The following GRB14 variants were observed in gnomAD, a reference collection of about 807,000 sequenced individuals.
The protein encoded by GRB14 is growth factor receptor-bound protein 14.
Under a neutral mutation model 69.1 loss-of-function variants are expected in GRB14, and 38 were observed. The observed-to-expected ratio is 0.55, with a 90% CI of 0.42 to 0.72. The LOEUF is 0.72. Among genes scored for constraint, GRB14 ranks in the 30% least tolerant of loss-of-function variants. The probability of loss-of-function intolerance (pLI) is 0.00; values close to 1 mark genes in which losing one functional copy is unlikely to be tolerated. For missense variants in GRB14, 666 were observed against 666.1 expected, an observed-to-expected ratio of 1.00 and a Z score of 0.00; for synonymous variants, 247 against 241.3, an observed-to-expected ratio of 1.02 and a Z score of -0.22.
At chr2:164,495,541 C>T (rs1381028339) in intron 12 of GRB14, among the ~76,000 whole-genome samples, 1 of 152,158 alleles carries the variant, frequency 6.6e-6, no homozygotes. Flanking sequence ...TTCTTATTCA[C>T]TGGCAGTGCA....
chr2:164,600,120 A>G lies in GRB14; in HGVS notation c.324+19567T>C, dbSNP rs1052682868. 1.3e-4 allele frequency among the ~76,000 whole-genome samples: 20 copies of G among 152,300 alleles called. 1 individual carries two copies. Among genetic ancestry groups the G allele is most frequent in the Admixed American group, 1.2e-3 (19 of 15,288 alleles). On this transcript the variant is annotated intron_variant, in intron 2 of 13. Coordinates refer to ENST00000263915, the MANE Select transcript of GRB14 (RefSeq NM_004490.3). The stretch of plus-strand genomic sequence containing the variant: ...ACAGGTTCCTTGTGTCATTTAAAGC[A>G]TGCACCCTCTGCTGTATGGATTTGG...
chr2:164,495,351 T>A (rs150592929), intron 12 of GRB14, among the ~76,000 whole-genome samples: 133 of 152,192 alleles, frequency 8.7e-4, no homozygotes, highest in African/African-American at 3.1e-3. Flanking sequence ...TATATTGTTT[T>A]AAAAAAATCT....
chr2:164,559,769 G>A (rs942005518), intron 2 of GRB14, among the ~76,000 whole-genome samples: 30 of 152,068 alleles, frequency 2.0e-4, no homozygotes, highest in African/African-American at 6.3e-4. Flanking sequence ...GTATCTTTTC[G>A]TATAATGACT....
intron 2 of GRB14, among the ~76,000 whole-genome samples, chr2:164,552,532 C>G (rs1016690262): frequency 6.6e-6 from 1 of 152,104 alleles, no homozygotes; most frequent in Non-Finnish European, 1.5e-5. Flanking sequence ...ACTTTCTCAT[C>G]ATACAAATTC....
rs533515825 is a variant in GRB14 at position 164,614,571 on chromosome 2, G to A, written c.324+5116C>T. On this transcript the variant is annotated intron_variant, in intron 2 of 13. Coordinates refer to ENST00000263915, the MANE Select transcript of GRB14 (RefSeq NM_004490.3). ...TTTTCAGAGATGAATACAAAACTACGTAGAGATGCAATGATGGGGTGTCCA... is the reference window on the plus strand; with the variant it reads ...TTTTCAGAGATGAATACAAAACTACATAGAGATGCAATGATGGGGTGTCCA... 1.3e-3 allele frequency among the ~76,000 whole-genome samples: 194 copies of A among 152,236 alleles called. 1 individual carries two copies. The highest frequency in any genetic ancestry group is 1.9e-3 in the Non-Finnish European group (130 of 68,014).
At chr2:164,596,682 A>G (rs1271066520) in intron 2 of GRB14, among the ~76,000 whole-genome samples, 1 of 152,238 alleles carries the variant, frequency 6.6e-6, no homozygotes, top group East Asian at 1.9e-4. Context: ...TAAATACACA[A>G]AGAAAACATT....
intron 2 of GRB14, among the ~76,000 whole-genome samples, chr2:164,591,565 G>T (rs1164553386): frequency 6.6e-6 from 1 of 152,126 alleles, no homozygotes; most frequent in Admixed American, 6.5e-5. Context: ...AATTTTCAGA[G>T]TACAGGTCTA....
intron 2 of GRB14, among the ~76,000 whole-genome samples, chr2:164,560,993 G>T (rs1352474078): frequency 6.6e-6 from 1 of 152,086 alleles, no homozygotes; most frequent in African/African-American, 2.4e-5. Flanking sequence ...CCAAAAAAGA[G>T]ATTATTATTT....
intron 3 of GRB14, 86 bp downstream of exon 3, chr2:164,547,574 C>T: frequency 9.2e-7 from 1 of 1,085,550 alleles, no homozygotes; most frequent in East Asian, 2.5e-5. Context: ...CTCAAAACAC[C>T]AAATCTAAGA....
At chr2:164,581,404 G>A (rs551015644) in intron 2 of GRB14, among the ~76,000 whole-genome samples, 1 of 152,314 alleles carries the variant, frequency 6.6e-6, no homozygotes, top group Non-Finnish European at 1.5e-5. Flanking sequence ...AGAGAAAGAG[G>A]AGGATCAGAG....
intron 2 of GRB14, among the ~76,000 whole-genome samples, chr2:164,583,371 TA>T (rs1432587475): frequency 7.9e-5 from 12 of 152,058 alleles, no homozygotes; most frequent in African/African-American, 9.7e-5. Context: ...AAAAAGAAGT[TA>T]GGGGGGAGGT....
chr2:164,532,711 G>A (rs1432432641), intron 3 of GRB14, among the ~76,000 whole-genome samples: 2 of 152,066 alleles, frequency 1.3e-5, no homozygotes, highest in African/African-American at 4.8e-5. Flanking sequence ...TAAGGTTCTT[G>A]GAAAGAATGT....
Position 164,621,149 on chromosome 2 carries a change from G to T in GRB14, c.161C>A (p.Pro54Gln). 8.0e-7 allele frequency: 1 copy of T among 1,245,812 alleles called. No homozygotes were observed. Among genetic ancestry groups the T allele is most frequent in the Non-Finnish European group, 1.0e-6 (1 of 988,454 alleles). 77.2% of individuals were successfully genotyped at this position (1,245,812 alleles called of 1,614,324 possible). Reference sequence around the variant, plus strand: ...TGCAGCACAGCCGCGGGTCCCGTCCGGAAGGGGCAGGAGCGCTCGCGCGTG... The same window carrying T: ...TGCAGCACAGCCGCGGGTCCCGTCCTGAAGGGGCAGGAGCGCTCGCGCGTG... Reference protein sequence around the residue: ...WLHARALLPLPDGTRGCAADR... With the variant: ...WLHARALLPLQDGTRGCAADR... Residue 54 changes from proline (P) to glutamine (Q), a missense_variant, in exon 1 of 14, where the codon CCG becomes CAG. Physicochemically the swap from Pro to Gln is moderately conservative, Grantham distance 76. Transcript: ENST00000263915. This position sits in a 1 kb window ranked among gnomAD's most constrained non-coding sequence, Gnocchi z 6.0.
intron 6 of GRB14, among the ~76,000 whole-genome samples, chr2:164,514,572 T>C (rs932714361): frequency 2.6e-5 from 4 of 152,138 alleles, no homozygotes; most frequent in Admixed American, 6.5e-5. Context: ...GGAAGCCTTT[T>C]CTGACTGTCT....
chr2:164,590,680 C>T (rs1002246430), intron 2 of GRB14, among the ~76,000 whole-genome samples: 9 of 152,148 alleles, frequency 5.9e-5, no homozygotes, highest in Admixed American at 1.3e-4. Flanking sequence ...ATGTCTCTTC[C>T]GCACTATCAT....
At chr2:164,558,039 G>A (rs1479161681) in intron 2 of GRB14, among the ~76,000 whole-genome samples, 1 of 152,140 alleles carries the variant, frequency 6.6e-6, no homozygotes, top group Non-Finnish European at 1.5e-5. Context: ...ATAGCCTGGG[G>A]CACTGACACT....
At chr2:164,620,621 T>C (rs1690433732) in intron 1 of GRB14, among the ~76,000 whole-genome samples, 1 of 152,214 alleles carries the variant, frequency 6.6e-6, no homozygotes. Flanking sequence ...CTAAAGGCAC[T>C]TAGTGCTGAA....
intron 3 of GRB14, among the ~76,000 whole-genome samples, chr2:164,546,955 C>A (rs1480347808): frequency 6.6e-6 from 1 of 152,156 alleles, no homozygotes; most frequent in African/African-American, 2.4e-5. Flanking sequence ...CCTTTGGGAA[C>A]CTCTCCCATT....
chr2:164,568,661 G>C (rs1028424933), intron 2 of GRB14, among the ~76,000 whole-genome samples: 1 of 152,150 alleles, frequency 6.6e-6, no homozygotes, highest in African/African-American at 2.4e-5. Flanking sequence ...AGATTAACAG[G>C]CATCTAGTTC....
Sources: gnomAD v4.1 joint callset for allele counts (sites outside exome capture counted in the v4.1 genomes callset) on GRCh38, gnomAD v4.1.1 for gene constraint, Gnocchi (gnomAD v3.1) non-coding constraint, MANE v1.5 for transcripts, NCBI Gene and HGNC (gene_info 2026-07-23, HGNC 2026-07-21) for gene names.